Variants in RHBDD1 observed in about 807,000 individuals in gnomAD.
The protein encoded by RHBDD1 is rhomboid domain containing 1, also known as rhomboid-related protein 4.
In RHBDD1, 38 loss-of-function variants were observed where a neutral mutation model predicts 36.3. That is an observed-to-expected ratio of 1.05 (90% confidence interval 0.81 to 1.37). RHBDD1 has a LOEUF of 1.37. RHBDD1 is among the 40% of genes most tolerant of loss of function. RHBDD1 has a pLI of 0.00. For synonymous variants in RHBDD1, 151 were observed against 136.5 expected (o/e 1.11, Z -0.74); for missense variants, 393 against 377.6 (o/e 1.04, Z -0.34).
intron 3 of RHBDD1, among the ~76,000 whole-genome samples, chr2:226,862,693 C>T (rs958686804): frequency 6.6e-5 from 10 of 152,072 alleles, no homozygotes; most frequent in South Asian, 2.1e-4. Flanking sequence ...TGGCTTAGTC[C>T]GTTTAGGGTT....
chr2:226,896,839 A>T (rs985167575), intron 5 of RHBDD1, among the ~76,000 whole-genome samples: 1 of 152,104 alleles, frequency 6.6e-6, no homozygotes, highest in East Asian at 1.9e-4. Flanking sequence ...AGTCCCCACT[A>T]TCACCCAGGC....
At chr2:226,929,663 A>G (rs577275341) in intron 8 of RHBDD1, among the ~76,000 whole-genome samples, 1 of 152,232 alleles carries the variant, frequency 6.6e-6, no homozygotes, top group Non-Finnish European at 1.5e-5. Flanking sequence ...GCAGTCAGGC[A>G]AGAAAAAGAA....
intron 4 of RHBDD1, among the ~76,000 whole-genome samples, chr2:226,866,144 C>A (rs1944310330): frequency 6.6e-6 from 1 of 152,122 alleles, no homozygotes; most frequent in African/African-American, 2.4e-5. Flanking sequence ...GATCTCGGCT[C>A]ACTGCAACCT....
Position 226,906,672 on chromosome 2 carries a change from C to T in RHBDD1, c.567-121C>T, listed in dbSNP as rs189100288. On this transcript the variant is annotated intron_variant, in intron 5 of 8. Coordinates refer to ENST00000392062, the MANE Select transcript of RHBDD1 (RefSeq NM_001167608.3). ...GTTAAATGCTGCTTAGCATAAAAGA[C>T]TTGATGTGGAACAAAGCCTGCAGAC... The T allele has an allele frequency of 9.6e-6, 15 of 1,559,936 alleles. No individual in the cohort carries two copies. In the East Asian group the frequency reaches 3.4e-4, roughly 35 times the overall value.
intron 6 of RHBDD1, chr2:226,908,170 C>T (rs1948202804): frequency 6.6e-6 from 1 of 152,152 alleles, no homozygotes; most frequent in Non-Finnish European, 1.5e-5. Flanking sequence ...TTAGAACACT[C>T]AGTGCAATTT....
chr2:226,904,240 TG>T (rs1947839373), intron 5 of RHBDD1, among the ~76,000 whole-genome samples: 1 of 152,070 alleles, frequency 6.6e-6, no homozygotes, highest in African/African-American at 2.4e-5. Context: ...CACACCCACT[TG>T]GGTTTCAGGA....
chr2:226,922,845 ATAACT>A (rs572644747), intron 8 of RHBDD1, among the ~76,000 whole-genome samples: 28 of 152,236 alleles, frequency 1.8e-4, no homozygotes, highest in Middle Eastern at 3.4e-3. Context: ...TTTTAAACTG[ATAACT>A]TAACACTGAT....
chr2:226,886,138 G>C (rs1167921180), intron 5 of RHBDD1, among the ~76,000 whole-genome samples: 1 of 152,202 alleles, frequency 6.6e-6, no homozygotes, highest in African/African-American at 2.4e-5. Flanking sequence ...GACTACCATA[G>C]CACCCTATTT....
intron 3 of RHBDD1, among the ~76,000 whole-genome samples, chr2:226,847,279 T>G (rs1328131312): frequency 2.0e-5 from 3 of 152,194 alleles, no homozygotes; most frequent in Non-Finnish European, 4.4e-5. Context: ...TCCCTAAACA[T>G]TATCGTATTT....
chr2:226,895,564 G>T, intron 5 of RHBDD1: 2 of 491,494 alleles, frequency 4.1e-6, no homozygotes, highest in Non-Finnish European at 5.3e-6. Context: ...TAACCTCTGT[G>T]CCCAATTAAG....
chr2:226,907,815 A>T (rs756363664), intron 6 of RHBDD1, among the ~76,000 whole-genome samples: 1 of 152,210 alleles, frequency 6.6e-6, no homozygotes, highest in Non-Finnish European at 1.5e-5. Flanking sequence ...TTTCCACTGT[A>T]CGTACTTAGA....
chr2:226,905,159 C>CT (rs11289309), intron 5 of RHBDD1, among the ~76,000 whole-genome samples: 147 of 144,164 alleles, frequency 1.0e-3, no homozygotes, highest in African/African-American at 2.8e-3. Flanking sequence ...ATTTGCTTGG[C>CT]TTTTTTTTTT....
intron 3 of RHBDD1, among the ~76,000 whole-genome samples, chr2:226,857,929 A>T (rs549169925): frequency 6.6e-5 from 10 of 152,292 alleles, no homozygotes; most frequent in African/African-American, 2.4e-4. Context: ...TATGTGAGTT[A>T]TATTTCGGCT....
chr2:226,926,749 G>C (rs1431090513), intron 8 of RHBDD1, among the ~76,000 whole-genome samples: 1 of 152,104 alleles, frequency 6.6e-6, no homozygotes, highest in African/African-American at 2.4e-5. Flanking sequence ...TCCCTTTGCT[G>C]TTTGCAAGTT....
intron 3 of RHBDD1, among the ~76,000 whole-genome samples, chr2:226,857,089 G>T (rs1331122558): frequency 7.6e-6 from 1 of 130,822 alleles, no homozygotes; most frequent in Non-Finnish European, 1.5e-5. Context: ...TGTAGAAAGT[G>T]TAAGAGAGTG....
intron 8 of RHBDD1, among the ~76,000 whole-genome samples, chr2:226,916,931 G>A (rs1482580841): frequency 6.6e-6 from 1 of 152,136 alleles, no homozygotes; most frequent in African/African-American, 2.4e-5. Flanking sequence ...TGGGCTCAGA[G>A]ACATGAGCAT....
At position 226,996,547 on chromosome 2, in the gene RHBDD1, C is replaced by G. The variant is rs1959357378; in HGVS notation, c.*1025C>G. On this transcript the variant is annotated 3_prime_UTR_variant, in exon 9 of 9. Coordinates refer to ENST00000392062, the MANE Select transcript of RHBDD1 (RefSeq NM_001167608.3). ...AAGTCAGAAGATCACTGATGTCTTA[C>G]TGTCAACAGAGATATTTTAAAAGAG... 6.6e-6 allele frequency: 1 copy of G among 152,160 alleles called. No individual in the cohort carries two copies. The highest frequency in any genetic ancestry group is 1.5e-5 in the Non-Finnish European group (1 of 68,032). 9.4% of individuals were successfully genotyped at this position (152,160 alleles called of 1,614,324 possible). A position where few individuals can be genotyped will look rare whatever the true frequency, so the allele number is the denominator to read the frequency against.
chr2:226,901,393 A>G (rs1379563239), intron 5 of RHBDD1, among the ~76,000 whole-genome samples: 1 of 152,210 alleles, frequency 6.6e-6, no homozygotes, highest in South Asian at 2.1e-4. Context: ...CTTTGGGTAT[A>G]TATGCAGAAG....
intron 5 of RHBDD1, among the ~76,000 whole-genome samples, chr2:226,872,424 C>T (rs1412150262): frequency 6.6e-6 from 1 of 152,036 alleles, no homozygotes; most frequent in African/African-American, 2.4e-5. Flanking sequence ...ATAGTATTTC[C>T]GTAGAGAGAA....
Sources: gnomAD v4.1 joint callset for allele counts (sites outside exome capture counted in the v4.1 genomes callset) on GRCh38, gnomAD v4.1.1 for gene constraint, MANE v1.5 for transcripts, NCBI Gene and HGNC (gene_info 2026-07-23, HGNC 2026-07-21) for gene names.